AKAP12: variants seen among roughly 807,000 people sequenced by gnomAD.
The protein encoded by AKAP12 is A-kinase anchoring protein 12, also known as A-kinase anchor protein 12.
In AKAP12, 32 loss-of-function variants were observed where a neutral mutation model predicts 79.9. The observed-to-expected ratio is 0.40, with a 90% CI of 0.30 to 0.54. The LOEUF (loss-of-function observed/expected upper bound fraction) is 0.54. Among genes scored for constraint, AKAP12 ranks in the 20% least tolerant of loss-of-function variants. AKAP12 has a pLI of 0.48. For synonymous variants in AKAP12, 808 were observed against 857.0 expected, an observed-to-expected ratio of 0.94 and a Z score of 1.00; for missense variants, 2,074 against 2,177.0, an observed-to-expected ratio of 0.95 and a Z score of 0.94.
intron 2 of AKAP12, among the ~76,000 whole-genome samples, chr6:151,266,676 A>G: frequency 6.6e-6 from 1 of 152,188 alleles, no homozygotes; most frequent in East Asian, 1.9e-4. Context: ...ATTCCATAAA[A>G]TGTTTGTTAC....
chr6:151,302,958 G>A (rs1776892840), intron 2 of AKAP12, among the ~76,000 whole-genome samples: 1 of 152,180 alleles, frequency 6.6e-6, no homozygotes. Context: ...CACTTTGGGA[G>A]GCTGAGGCGG....
intron 2 of AKAP12, among the ~76,000 whole-genome samples, chr6:151,247,408 AAAAAC>A (rs1177821928): frequency 2.6e-5 from 4 of 152,124 alleles, no homozygotes; most frequent in East Asian, 1.9e-4. Flanking sequence ...CTCTATTTAA[AAAAAC>A]AAAACAAAAC....
chr6:151,268,995 CCTTA>C (rs1174059668), intron 2 of AKAP12, among the ~76,000 whole-genome samples: 2 of 126,332 alleles, frequency 1.6e-5, no homozygotes, highest in Non-Finnish European at 3.2e-5. Flanking sequence ...ACATCTAAAC[CCTTA>C]CTTTAATATT....
In AKAP12 at chr6:151,348,697, C is replaced by CCCCCCCCTTT; in HGVS notation, c.320-14_320-13insCCCCCCCTTT. 1 of 650,664 alleles carries CCCCCCCCTTT rather than the reference C, an allele frequency of 1.5e-6. No individual in the cohort carries two copies. 40.3% of individuals were successfully genotyped at this position (650,664 alleles called of 1,614,324 possible). On this transcript the variant is annotated splice_polypyrimidine_tract_variant and intron_variant, in intron 3 of 4. Transcript: ENST00000402676. ...TTCTCTTCTCCCCACCCCCCCGCCC[C>CCCCCCCCTTT]TTTTTGTTAATAGTTGGACAGAGAG...
chr6:151,281,706 G>A (rs1199328349), intron 2 of AKAP12, among the ~76,000 whole-genome samples: 1 of 152,030 alleles, frequency 6.6e-6, no homozygotes, highest in Non-Finnish European at 1.5e-5. Flanking sequence ...TTATTTATTT[G>A]TTTATTGAGA....
intron 3 of AKAP12, among the ~76,000 whole-genome samples, chr6:151,312,093 C>T (rs1777118207): frequency 6.6e-6 from 1 of 152,164 alleles, no homozygotes; most frequent in African/African-American, 2.4e-5. Flanking sequence ...CATTACAGCC[C>T]TCCACTCCTC....
At position 151,274,337 on chromosome 6, in the gene AKAP12, C is replaced by T. The variant is rs189625318; in HGVS notation, c.163-31410C>T. Among the ~76,000 whole-genome samples the T allele has an allele frequency of 3.7e-3, 562 of 152,254 alleles. 5 individuals are homozygous for T. The highest frequency in any genetic ancestry group is 0.012 in the South Asian group (58 of 4,814). ...CAAGCAATCCACCTGCCTTGGTCTT[C>T]CAAAGTGCTGGGACTACAGGCGTGA... On this transcript the variant is annotated intron_variant, in intron 2 of 4. Coordinates refer to ENST00000402676, the MANE Select transcript of AKAP12 (RefSeq NM_005100.4).
Position 151,255,229 on chromosome 6 carries a change from G to A in AKAP12, c.162+14505G>A, listed in dbSNP as rs185686988. ...TGCCCAGGCTGGAGTGCAGTGGCAC[G>A]ATCTCGGCTCACGGCAACCTCTGCC... On this transcript the variant is annotated intron_variant, in intron 2 of 4. Coordinates refer to ENST00000402676, the MANE Select transcript of AKAP12 (RefSeq NM_005100.4). Among the ~76,000 whole-genome samples, 3 of 151,850 alleles carry A rather than the reference G, an allele frequency of 2.0e-5. No individual in the cohort carries two copies. In the East Asian group the frequency reaches 5.9e-4, roughly 30 times the overall value.
intron 2 of AKAP12, among the ~76,000 whole-genome samples, chr6:151,268,104 A>G (rs1266459987): frequency 1.3e-5 from 2 of 152,136 alleles, no homozygotes; most frequent in East Asian, 3.8e-4. Context: ...CGGGACCCAC[A>G]AGTAACCGTT....
intron 2 of AKAP12, among the ~76,000 whole-genome samples, chr6:151,264,278 C>G (rs1052725072): frequency 6.7e-6 from 1 of 149,882 alleles, no homozygotes; most frequent in African/African-American, 2.5e-5. Flanking sequence ...GGCTCTAAAA[C>G]TAGTATGTTT....
chr6:151,245,656 C>CAAAAAAAAA (rs10700236), intron 2 of AKAP12, among the ~76,000 whole-genome samples: 1 of 99,124 alleles, frequency 1.0e-5, no homozygotes, highest in South Asian at 4.1e-4. Context: ...GACTCCGTCT[C>CAAAAAAAAA]AAAAAAAAAA....
chr6:151,316,464 T>C (rs1777236837), intron 3 of AKAP12, among the ~76,000 whole-genome samples: 1 of 152,194 alleles, frequency 6.6e-6, no homozygotes, highest in Non-Finnish European at 1.5e-5. Flanking sequence ...AAATTTATTT[T>C]CTCACAGTTC....
chr6:151,260,163 C>G (rs1277897354), intron 2 of AKAP12, among the ~76,000 whole-genome samples: 6 of 152,120 alleles, frequency 3.9e-5, no homozygotes, highest in Non-Finnish European at 1.5e-5. Context: ...TTATTAGGTA[C>G]CAAGCAGTTG....
intron 3 of AKAP12, among the ~76,000 whole-genome samples, chr6:151,339,743 T>C (rs1054895410): frequency 6.6e-6 from 1 of 150,634 alleles, no homozygotes; most frequent in African/African-American, 2.5e-5. Context: ...CATGTATTCA[T>C]CCCTTCCTCC....
At chr6:151,314,363 A>C (rs531549696) in intron 3 of AKAP12, among the ~76,000 whole-genome samples, 15 of 152,304 alleles carry the variant, frequency 9.8e-5, no homozygotes, top group Non-Finnish European at 1.6e-4. Context: ...CTATATTTGA[A>C]GTTTTAATTT....
intron 3 of AKAP12, among the ~76,000 whole-genome samples, chr6:151,322,537 A>G (rs111345895): frequency 6.6e-6 from 1 of 152,120 alleles, no homozygotes; most frequent in Non-Finnish European, 1.5e-5. Context: ...TGATTGCCCA[A>G]ATGTCCTGCT....
At position 151,261,732 on chromosome 6, in the gene AKAP12, A is replaced by ATTTT. The variant is rs937441358; in HGVS notation, c.162+21009_162+21012dup. ...AACAAGAACAACAGTGGTTTTTATTATTTTATTTATTTATTTATTTATTTA... is the reference window on the plus strand; with the variant it reads ...AACAAGAACAACAGTGGTTTTTATTATTTTTTTTATTTATTTATTTATTTATTTA... On this transcript the variant is annotated intron_variant, in intron 2 of 4. Coordinates refer to ENST00000402676, the MANE Select transcript of AKAP12 (RefSeq NM_005100.4). 1.2e-4 allele frequency among the ~76,000 whole-genome samples: 15 copies of ATTTT among 130,028 alleles called. No individual in the cohort carries two copies. In the South Asian group the frequency reaches 1.2e-3, roughly 10 times the overall value. 85.3% of individuals were successfully genotyped at this position (130,028 alleles called of 152,430 possible). A position where few individuals can be genotyped will look rare whatever the true frequency, so the allele number is the denominator to read the frequency against.
chr6:151,300,006 G>T (rs781487226), intron 2 of AKAP12, among the ~76,000 whole-genome samples: 1 of 152,004 alleles, frequency 6.6e-6, no homozygotes, highest in Non-Finnish European at 1.5e-5. Context: ...GTAGCTAATG[G>T]GTTTGCGTAT....
chr6:151,347,689 T>G (rs945209469), intron 3 of AKAP12, among the ~76,000 whole-genome samples: 1 of 152,238 alleles, frequency 6.6e-6, no homozygotes, highest in African/African-American at 2.4e-5. Flanking sequence ...AGATCTCACT[T>G]TATCCTTGAA....
Sources: allele counts gnomAD v4.1 joint callset (sites outside exome capture counted in the v4.1 genomes callset), GRCh38; gene constraint gnomAD v4.1.1; transcripts MANE v1.5; gene names NCBI Gene and HGNC (gene_info 2026-07-23, HGNC 2026-07-21).